Variants in TAB1 observed in about 807,000 individuals in gnomAD.
The protein encoded by TAB1 is TGF-beta activated kinase 1 (MAP3K7) binding protein 1.
TAB1 carries 30 observed loss-of-function variants against 54.5 expected under a neutral mutation model. The observed-to-expected ratio is 0.55, with a 90% CI of 0.41 to 0.75. TAB1 has a LOEUF of 0.75. Ranked by LOEUF, TAB1 falls within the 30% of genes least tolerant of loss-of-function variation. The probability of loss-of-function intolerance (pLI) is 0.00; values close to 1 mark genes in which losing one functional copy is unlikely to be tolerated. For synonymous variants in TAB1, 289 were observed against 286.9 expected (o/e 1.01, Z -0.07); for missense variants, 609 against 683.2 (o/e 0.89, Z 1.21).
chr22:39,422,859 C>T (rs1344451860), intron 8 of TAB1, among the ~76,000 whole-genome samples: 2 of 152,124 alleles, frequency 1.3e-5, no homozygotes. Context: ...TAGGGATGGT[C>T]TCAAAGGAAA....
At chr22:39,402,946 A>ATCAC (rs1926210020) in intron 1 of TAB1, among the ~76,000 whole-genome samples, 1 of 152,248 alleles carries the variant, frequency 6.6e-6, no homozygotes, top group African/African-American at 2.4e-5. Context: ...CTTTGGGCAA[A>ATCAC]TCACTTTATG....
At position 39,423,821 on chromosome 22, in the gene TAB1, TTA is replaced by T. The variant is rs1487150461; in HGVS notation, c.921+1853_921+1854del. Among the ~76,000 whole-genome samples the T allele has an allele frequency of 2.0e-5, 3 of 152,186 alleles. No homozygotes were observed. The East Asian group carries it at 5.8e-4, about 29-fold the overall frequency. On this transcript the variant is annotated intron_variant, in intron 8 of 10. Transcript: ENST00000216160. Reference sequence around the variant, plus strand: ...TACATTGTAACTAATGTATAGTGTTTTATAGTGTACATTGTAACTAATGTATA... The same window carrying T: ...TACATTGTAACTAATGTATAGTGTTTTAGTGTACATTGTAACTAATGTATA...
Position 39,415,711 on chromosome 22 carries a change from TG to T in TAB1, c.324+61del, listed in dbSNP as rs1926803633. On this transcript the variant is annotated intron_variant, in intron 3 of 10. Transcript: ENST00000216160. This position sits in a 1 kb window ranked among gnomAD's most constrained non-coding sequence, Gnocchi z 4.9. ...ACATCATGTCCCCCACCCCAAGGCTTGGGCCCTGCACCTCTAGCATGTTGCC... is the reference window on the plus strand; with the variant it reads ...ACATCATGTCCCCCACCCCAAGGCTTGGCCCTGCACCTCTAGCATGTTGCC... The T allele has an allele frequency of 6.4e-7, 1 of 1,572,720 alleles. No individual in the cohort carries two copies. The highest frequency in any genetic ancestry group is 1.1e-5 in the South Asian group (1 of 88,240).
intron 1 of TAB1, among the ~76,000 whole-genome samples, chr22:39,403,275 A>G (rs563143476): frequency 7.9e-5 from 12 of 152,362 alleles, no homozygotes; most frequent in African/African-American, 2.6e-4. Flanking sequence ...AGGTGGTGCT[A>G]TGAGGAACAG....
Position 39,416,836 on chromosome 22 carries a change from G to T in TAB1, c.370G>T (p.Ala124Ser), listed in dbSNP as rs373883129. Reference sequence around the variant, plus strand: ...GAGCTTCCTGGAGTCCATTGACGACGCCTTGGCTGAGAAGGCAAGCCTCCA... The same window carrying T: ...GAGCTTCCTGGAGTCCATTGACGACTCCTTGGCTGAGAAGGCAAGCCTCCA... ...ERSFLESIDD[A>S]LAEKASLQSQ... The change falls in exon 4 of 11, where the codon GCC (alanine) becomes TCC (serine). Residue 124 changes from alanine to serine, a missense_variant. Physicochemically the swap from Ala to Ser is moderately conservative, Grantham distance 99 (BLOSUM62 1). Transcript: ENST00000216160. 2 of 1,614,210 alleles carry T rather than the reference G, an allele frequency of 1.2e-6. No homozygotes were observed. The highest frequency in any genetic ancestry group is 2.2e-5 in the South Asian group (2 of 91,084).
At chr22:39,401,992 T>C (rs748400509) in intron 1 of TAB1, among the ~76,000 whole-genome samples, 13 of 152,258 alleles carry the variant, frequency 8.5e-5, no homozygotes, top group South Asian at 6.2e-4. Flanking sequence ...TAGATCAGCT[T>C]GGGAGGAGCA....
At chr22:39,427,028 G>C in intron 9 of TAB1, 103 bp downstream of exon 9, 3 of 1,156,558 alleles carry the variant, frequency 2.6e-6, no homozygotes, top group South Asian at 2.9e-5. Context: ...GGAGTCAGGA[G>C]GCCTGGCTCT....
intron 4 of TAB1, among the ~76,000 whole-genome samples, chr22:39,417,476 T>C (rs1926883905): frequency 6.6e-6 from 1 of 152,018 alleles, no homozygotes; most frequent in Non-Finnish European, 1.5e-5. Flanking sequence ...AAAAATTAGC[T>C]GGGCGTGGTG....
chr22:39,423,333 A>G (rs1401827278), intron 8 of TAB1, among the ~76,000 whole-genome samples: 3 of 152,184 alleles, frequency 2.0e-5, no homozygotes, highest in Admixed American at 2.0e-4. Context: ...GGCCGGGCAC[A>G]GTGGCTCATG....
At chr22:39,413,770 T>G (rs1926709054) in intron 1 of TAB1, among the ~76,000 whole-genome samples, 1 of 152,226 alleles carries the variant, frequency 6.6e-6, no homozygotes, top group Admixed American at 6.5e-5. Flanking sequence ...GTTCTCCCAG[T>G]TATTCCAGTT....
rs150314261 is a variant in TAB1, at chr22:39,418,368, C to T, written c.551-364C>T. 5.9e-5 allele frequency among the ~76,000 whole-genome samples: 9 copies of T among 152,262 alleles called. No individual in the cohort carries two copies. In the East Asian group the frequency reaches 1.4e-3, roughly 23 times the overall value. ...GACTGATATTTAATGAACATTCATGCGCCCATCCCCAATCCCAGCAGTTAT... is the reference window on the plus strand; with the variant it reads ...GACTGATATTTAATGAACATTCATGTGCCCATCCCCAATCCCAGCAGTTAT... On this transcript the variant is annotated intron_variant, in intron 5 of 10. Coordinates refer to ENST00000216160, the MANE Select transcript of TAB1 (RefSeq NM_006116.3).
chr22:39,407,046 T>C (rs1016103087), intron 1 of TAB1, among the ~76,000 whole-genome samples: 2 of 152,222 alleles, frequency 1.3e-5, no homozygotes, highest in African/African-American at 4.8e-5. Context: ...TTCAAAACTT[T>C]CGACAGTCTG....
At chr22:39,420,299 G>C (rs1008715883) in intron 7 of TAB1, among the ~76,000 whole-genome samples, 14 of 152,194 alleles carry the variant, frequency 9.2e-5, no homozygotes, top group Non-Finnish European at 1.6e-4. Context: ...CTGAGGCATG[G>C]AGACATCAGG....
chr22:39,428,630 G>A (rs528030149), intron 10 of TAB1, among the ~76,000 whole-genome samples: 1 of 152,280 alleles, frequency 6.6e-6, no homozygotes, highest in Admixed American at 6.5e-5. Flanking sequence ...GCCTGAGGGG[G>A]ATGCGGCCAG....
intron 8 of TAB1, among the ~76,000 whole-genome samples, chr22:39,423,956 T>C (rs1927207170): frequency 6.6e-6 from 1 of 150,598 alleles, no homozygotes; most frequent in South Asian, 2.1e-4. Context: ...TAGTGTTTTA[T>C]AGTGTACATT....
At chr22:39,401,987 C>T (rs1926164812) in intron 1 of TAB1, among the ~76,000 whole-genome samples, 1 of 152,130 alleles carries the variant, frequency 6.6e-6, no homozygotes, top group African/African-American at 2.4e-5. Flanking sequence ...GTTTGTAGAT[C>T]AGCTTGGGAG....
intron 7 of TAB1, among the ~76,000 whole-genome samples, chr22:39,420,564 G>T (rs1275185816): frequency 6.6e-6 from 1 of 152,142 alleles, no homozygotes; most frequent in East Asian, 1.9e-4. Context: ...ACTGAGTGTC[G>T]AATATTTGTC....
chr22:39,428,009 TTCC>T lies in TAB1; in HGVS notation c.1145-8_1145-6del. Reference sequence around the variant, plus strand: ...GCTGCTGCCTGAGGCCCCCACTCTCTTCCTCCCAAAGCTGCAGGAGGACGAGTG... The same window carrying T: ...GCTGCTGCCTGAGGCCCCCACTCTCTTCCCAAAGCTGCAGGAGGACGAGTG... On this transcript the variant is annotated splice_polypyrimidine_tract_variant and intron_variant, in intron 9 of 10. Transcript: ENST00000216160. 1.9e-6 allele frequency: 3 copies of T among 1,572,664 alleles called. No homozygotes were observed.
Position 39,425,190 on chromosome 22 carries a change from C to T in TAB1, c.922-1513C>T, listed in dbSNP as rs987649120. Among the ~76,000 whole-genome samples, 15 of 149,758 alleles carry T rather than the reference C, an allele frequency of 1.0e-4. No homozygotes were observed. The South Asian group carries it at 1.5e-3, about 15-fold the overall frequency. ...GAGATCGAGACCATCCTGGCTAATA[C>T]GGTGAAACCCCATCTCTACTAAAAA... On this transcript the variant is annotated intron_variant, in intron 8 of 10. Coordinates refer to ENST00000216160, the MANE Select transcript of TAB1 (RefSeq NM_006116.3).
Sources: gnomAD v4.1 joint callset for allele counts (sites outside exome capture counted in the v4.1 genomes callset) on GRCh38, gnomAD v4.1.1 for gene constraint, Gnocchi (gnomAD v3.1) non-coding constraint, MANE v1.5 for transcripts, NCBI Gene and HGNC (gene_info 2026-07-23, HGNC 2026-07-21) for gene names.